TTLL5: variants seen among roughly 807,000 people sequenced by gnomAD.
The protein encoded by TTLL5 is tubulin polyglutamylase TTLL5.
A neutral mutation model predicts 168.4 loss-of-function variants in TTLL5; 132 were observed. The observed-to-expected ratio is 0.78, with a 90% CI of 0.68 to 0.91. The LOEUF (loss-of-function observed/expected upper bound fraction) is 0.91, where lower values mean the gene tolerates loss of function less well. Among genes scored for constraint, TTLL5 ranks in the 40% least tolerant of loss-of-function variants. The pLI, the probability that TTLL5 is intolerant of heterozygous loss-of-function variation, is 0.00. For missense variants in TTLL5, 1,545 were observed against 1,581.5 expected (o/e 0.98, Z 0.39); for synonymous variants, 546 against 558.6 (o/e 0.98, Z 0.32).
At chr14:75,874,835 T>C (rs546906031) in intron 29 of TTLL5, among the ~76,000 whole-genome samples, 96 of 151,704 alleles carry the variant, frequency 6.3e-4, no homozygotes, top group South Asian at 6.1e-3. Context: ...TGTGTGTGTG[T>C]GCGTGCACAT....
intron 31 of TTLL5, among the ~76,000 whole-genome samples, chr14:75,952,342 T>TGTATC (rs2034987766): frequency 6.6e-6 from 1 of 151,910 alleles, no homozygotes; most frequent in South Asian, 2.1e-4. Flanking sequence ...AACACAGCAG[T>TGTATC]GTATCACTTC....
chr14:75,894,502 G>A (rs2032558298), intron 30 of TTLL5, among the ~76,000 whole-genome samples: 1 of 151,892 alleles, frequency 6.6e-6, no homozygotes, highest in Admixed American at 6.6e-5. Flanking sequence ...GCAGTGAGCC[G>A]AGATCACACG....
intron 23 of TTLL5, among the ~76,000 whole-genome samples, chr14:75,778,631 C>A (rs192869990): frequency 6.6e-6 from 1 of 152,092 alleles, no homozygotes; most frequent in East Asian, 1.9e-4. Flanking sequence ...GATATAGGTT[C>A]TCTGTGATAA....
chr14:75,947,534 A>G (rs1348479569), intron 31 of TTLL5, among the ~76,000 whole-genome samples: 1 of 152,206 alleles, frequency 6.6e-6, no homozygotes, highest in Non-Finnish European at 1.5e-5. Flanking sequence ...ATTGGGCAAA[A>G]AATTAACAGA....
At chr14:75,887,351 G>A in intron 30 of TTLL5, 30 of 982,326 alleles carry the variant, frequency 3.1e-5, no homozygotes, top group Non-Finnish European at 3.6e-5. Context: ...AGATTTAAGG[G>A]CAAAGTAATT....
chr14:75,834,188 G>C (rs1490493546), intron 28 of TTLL5, among the ~76,000 whole-genome samples: 1 of 152,198 alleles, frequency 6.6e-6, no homozygotes, highest in East Asian at 1.9e-4. Flanking sequence ...ATTTTGCAGA[G>C]AGTGAATTAT....
At chr14:75,912,486 TAAC>T (rs1349621227) in intron 31 of TTLL5, among the ~76,000 whole-genome samples, 1 of 152,130 alleles carries the variant, frequency 6.6e-6, no homozygotes, top group Non-Finnish European at 1.5e-5. Flanking sequence ...TGCAATAAAA[TAAC>T]AAGGTATAAA....
At chr14:75,830,879 T>G (rs371248645) in intron 28 of TTLL5, among the ~76,000 whole-genome samples, 9 of 152,174 alleles carry the variant, frequency 5.9e-5, no homozygotes, top group African/African-American at 2.2e-4. Flanking sequence ...TTCCCTGATG[T>G]CCCAAGCAGA....
intron 30 of TTLL5, chr14:75,886,893 C>A: frequency 6.8e-7 from 1 of 1,469,080 alleles, no homozygotes. Flanking sequence ...GTTTGCCAGG[C>A]ACAAGGGCAA....
At chr14:75,690,435 A>C in intron 6 of TTLL5, 113 bp downstream of exon 6, 1 of 1,308,894 alleles carries the variant, frequency 7.6e-7, no homozygotes, top group Non-Finnish European at 1.0e-6. Flanking sequence ...TCCTTAGACA[A>C]CTGTGACTCT....
intron 31 of TTLL5, among the ~76,000 whole-genome samples, chr14:75,930,359 C>A (rs1444989930): frequency 6.6e-6 from 1 of 152,108 alleles, no homozygotes; most frequent in African/African-American, 2.4e-5. Flanking sequence ...AATGCAAAAT[C>A]TGAAATACTC....
intron 29 of TTLL5, among the ~76,000 whole-genome samples, chr14:75,873,863 C>T (rs1320830927): frequency 6.6e-6 from 1 of 152,040 alleles, no homozygotes; most frequent in African/African-American, 2.4e-5. Flanking sequence ...TTACTTAAAC[C>T]TTCCGGGCCA....
At chr14:75,910,285 G>A (rs988462034) in intron 31 of TTLL5, among the ~76,000 whole-genome samples, 4 of 152,066 alleles carry the variant, frequency 2.6e-5, no homozygotes, top group African/African-American at 9.7e-5. Flanking sequence ...CACACCTCTT[G>A]GAAAAAAATG....
chr14:75,691,757 T>G (rs1566816156), intron 6 of TTLL5, among the ~76,000 whole-genome samples: 1 of 152,228 alleles, frequency 6.6e-6, no homozygotes, highest in South Asian at 2.1e-4. Context: ...ATTTCTGTTT[T>G]ATGGATAGAC....
intron 9 of TTLL5, chr14:75,711,192 A>C (rs1182963727): frequency 1.3e-5 from 2 of 152,192 alleles, no homozygotes; most frequent in African/African-American, 4.8e-5. Context: ...TATAGTATTG[A>C]AGAAGTGTTG....
chr14:75,936,172 C>A (rs923383229), intron 31 of TTLL5, among the ~76,000 whole-genome samples: 4 of 151,914 alleles, frequency 2.6e-5, no homozygotes, highest in African/African-American at 9.7e-5. Flanking sequence ...ATCATCACAA[C>A]AATCATATGA....
intron 31 of TTLL5, among the ~76,000 whole-genome samples, chr14:75,939,186 C>T (rs2140188289): frequency 6.6e-6 from 1 of 152,296 alleles, no homozygotes; most frequent in Middle Eastern, 3.4e-3. Flanking sequence ...TGCCTCCCCA[C>T]CCCAGTGCAG....
intron 2 of TTLL5, 111 bp from the exon 3 acceptor site, chr14:75,669,301 ATTTG>A (rs1189010143): frequency 1.1e-6 from 1 of 907,258 alleles, no homozygotes; most frequent in Non-Finnish European, 1.7e-6. Flanking sequence ...GATATTTGGG[ATTTG>A]TATTCCAGAA....
chr14:75,889,791 C>T (rs997571522), intron 30 of TTLL5, among the ~76,000 whole-genome samples: 1 of 143,612 alleles, frequency 7.0e-6, no homozygotes, highest in Non-Finnish European at 1.5e-5. Flanking sequence ...GATTGCGCCA[C>T]TGCACTCCAG....
Sources: gnomAD v4.1 joint callset for allele counts (sites outside exome capture counted in the v4.1 genomes callset) on GRCh38, gnomAD v4.1.1 for gene constraint, MANE v1.5 for transcripts, NCBI Gene and HGNC (gene_info 2026-07-23, HGNC 2026-07-21) for gene names.